Variants in SULF2 observed in about 807,000 individuals in gnomAD.
SULF2 encodes the protein sulfatase 2.
Under a neutral mutation model 107.7 loss-of-function variants are expected in SULF2, and 52 were observed. The ratio of observed to expected loss-of-function variants is 0.48; its 90% confidence interval spans 0.39 to 0.61. The LOEUF (loss-of-function observed/expected upper bound fraction) is 0.61. SULF2 is among the 20% of genes least tolerant of loss of function. SULF2 has a pLI of 0.00. For missense variants in SULF2, 993 were observed against 1,177.3 expected (o/e 0.84, Z 2.29); for synonymous variants, 460 against 464.3 (o/e 0.99, Z 0.12).
chr20:47,693,830 G>C (rs1482971226), intron 4 of SULF2, among the ~76,000 whole-genome samples: 1 of 152,206 alleles, frequency 6.6e-6, no homozygotes, highest in Non-Finnish European at 1.5e-5. Flanking sequence ...ATGTTTCAAA[G>C]TGTGTGGGGG....
intron 11 of SULF2, among the ~76,000 whole-genome samples, chr20:47,667,405 C>A (rs905381111): frequency 1.6e-4 from 25 of 152,264 alleles, no homozygotes; most frequent in African/African-American, 4.3e-4. Context: ...TGAAGTGACA[C>A]CCCAGGTAGC....
intron 1 of SULF2, among the ~76,000 whole-genome samples, chr20:47,762,766 A>G (rs550800385): frequency 8.5e-5 from 13 of 152,352 alleles, no homozygotes; most frequent in Admixed American, 7.2e-4. Context: ...AGCCCGGGGC[A>G]CAGTCAGCTG....
chr20:47,715,043 C>CA (rs1384475027), intron 3 of SULF2, among the ~76,000 whole-genome samples: 1 of 152,098 alleles, frequency 6.6e-6, no homozygotes, highest in African/African-American at 2.4e-5. Flanking sequence ...CTCAGCCTTC[C>CA]AAGTAGCTGG....
At chr20:47,676,283 C>T (rs537621515) in intron 10 of SULF2, among the ~76,000 whole-genome samples, 9 of 152,348 alleles carry the variant, frequency 5.9e-5, no homozygotes, top group Admixed American at 1.3e-4. Context: ...GCCTCTGACA[C>T]GGTCAGGGTC....
chr20:47,736,793 TGGTGTA>T lies in SULF2; in HGVS notation c.319_324del (p.Tyr107_Thr108del). The T allele has an allele frequency of 6.2e-7, 1 of 1,614,188 alleles. No homozygotes were observed. The highest frequency in any genetic ancestry group is 8.5e-7 in the Non-Finnish European group (1 of 1,180,002). On this transcript the variant is annotated inframe_deletion, in exon 3 of 21. Transcript: ENST00000688720. ...GAGGGCGAGGAGCAGTTCTCATTGT[TGGTGTA>T]GGTGTTGTGGTTGTGGACGTACTTG... is the stretch of plus-strand genomic sequence containing the variant.
At chr20:47,690,010 G>C (rs2088141345) in intron 5 of SULF2, 116 bp downstream of exon 5, 2 of 1,046,358 alleles carry the variant, frequency 1.9e-6, no homozygotes, top group Non-Finnish European at 1.2e-6. Flanking sequence ...CTTTAAACCA[G>C]GAGGATTAGA....
At chr20:47,699,530 C>A (rs1268803294) in intron 4 of SULF2, among the ~76,000 whole-genome samples, 1 of 150,370 alleles carries the variant, frequency 6.7e-6, no homozygotes, top group Non-Finnish European at 1.5e-5. Context: ...GGAGTTGAGG[C>A]TCTTAGGAGT....
intron 3 of SULF2, among the ~76,000 whole-genome samples, chr20:47,714,142 C>T (rs561268934): frequency 1.7e-3 from 264 of 152,346 alleles, no homozygotes; most frequent in African/African-American, 6.3e-3. Flanking sequence ...CGCGCCATTT[C>T]GCAGGCACGG....
chr20:47,659,667 TG>T, intron 19 of SULF2, 29 bp downstream of exon 19: 1 of 1,597,104 alleles, frequency 6.3e-7, no homozygotes, highest in African/African-American at 1.3e-5. Context: ...AGGAGAACTT[TG>T]TTTAGGCTTT....
chr20:47,762,763 G>A (rs912700273), intron 1 of SULF2, among the ~76,000 whole-genome samples: 14 of 152,182 alleles, frequency 9.2e-5, no homozygotes, highest in African/African-American at 3.1e-4. Context: ...TGGAGCCCGG[G>A]GCACAGTCAG....
chr20:47,735,920 A>G (rs537970657), intron 3 of SULF2, among the ~76,000 whole-genome samples: 3 of 152,232 alleles, frequency 2.0e-5, no homozygotes, highest in African/African-American at 7.2e-5. Context: ...CTTGGATGCA[A>G]CTTCCTGGGG....
intron 2 of SULF2, among the ~76,000 whole-genome samples, chr20:47,738,051 C>T (rs1428403630): frequency 6.6e-6 from 1 of 152,158 alleles, no homozygotes; most frequent in East Asian, 1.9e-4. Context: ...GCCATGCCTG[C>T]TCTTGTTTCT....
chr20:47,664,216 C>A, intron 14 of SULF2, 27 bp from the exon 15 acceptor site: 1 of 1,605,348 alleles, frequency 6.2e-7, no homozygotes. Context: ...CAGCCCCAGG[C>A]TTCAGGAGTG....
intron 3 of SULF2, among the ~76,000 whole-genome samples, chr20:47,730,986 T>C (rs557941916): frequency 2.0e-5 from 3 of 152,136 alleles, no homozygotes; most frequent in Admixed American, 6.5e-5. Flanking sequence ...GGCATGTGAC[T>C]CAGGGTGGTC....
intron 1 of SULF2, among the ~76,000 whole-genome samples, chr20:47,766,998 A>C (rs1423511939): frequency 2.0e-5 from 3 of 152,148 alleles, no homozygotes; most frequent in Non-Finnish European, 4.4e-5. Context: ...GAGAGCTGAC[A>C]AACAGCGGAC....
At chr20:47,777,973 C>CA (rs11322737) in intron 1 of SULF2, among the ~76,000 whole-genome samples, 17,245 of 132,512 alleles carry the variant, frequency 0.13, 1,502 homozygotes, top group African/African-American at 0.26. Flanking sequence ...TCATCTCTAC[C>CA]AAAAAAAAAA....
At chr20:47,671,831 C>A (rs1471589535) in intron 11 of SULF2, among the ~76,000 whole-genome samples, 1 of 152,144 alleles carries the variant, frequency 6.6e-6, no homozygotes, top group Non-Finnish European at 1.5e-5. Flanking sequence ...TCTCATGCCT[C>A]AGCCTCCCAA....
chr20:47,757,387 C>T lies in SULF2; in HGVS notation c.-24G>A. 1.3e-6 allele frequency: 2 copies of T among 1,557,174 alleles called. No homozygotes were observed. Among genetic ancestry groups the T allele is most frequent in the Non-Finnish European group, 1.7e-6 (2 of 1,145,906 alleles). On this transcript the variant is annotated 5_prime_UTR_variant, in exon 2 of 21. Coordinates refer to ENST00000688720, the MANE Select transcript of SULF2 (RefSeq NM_001387048.1). ...ATCTTCTTTTTTTGCTGATCTGGTG[C>T]TTCTTTTGGGATGCGGGAGTCTCAA...
chr20:47,765,518 C>T (rs1168454673), intron 1 of SULF2, among the ~76,000 whole-genome samples: 1 of 152,110 alleles, frequency 6.6e-6, no homozygotes, highest in Non-Finnish European at 1.5e-5. Flanking sequence ...TGTGGGTGTG[C>T]AGATATGTCC....
Sources: gnomAD v4.1 joint callset for allele counts (sites outside exome capture counted in the v4.1 genomes callset) on GRCh38, gnomAD v4.1.1 for gene constraint, MANE v1.5 for transcripts, NCBI Gene and HGNC (gene_info 2026-07-23, HGNC 2026-07-21) for gene names.